RDH16: variants seen among roughly 807,000 people sequenced by gnomAD.
RDH16 encodes human epidermal retinol dehydrogenase.
In RDH16, 25 loss-of-function variants were observed where a neutral mutation model predicts 22.3. The observed-to-expected ratio is 1.12, with a 90% CI of 0.82 to 1.56. The LOEUF (loss-of-function observed/expected upper bound fraction) is 1.56, where lower values mean the gene tolerates loss of function less well. RDH16 is among the 40% of genes most tolerant of loss of function. The pLI, the probability that RDH16 is intolerant of heterozygous loss-of-function variation, is 0.00. For missense variants in RDH16, 413 were observed against 394.9 expected (o/e 1.05, Z -0.39); for synonymous variants, 154 against 164.4 (o/e 0.94, Z 0.48).
Position 56,957,373 on chromosome 12 carries a change from C to G in RDH16, c.90G>C (p.Lys30Asn), listed in dbSNP as rs376548420. The G allele has an allele frequency of 6.2e-7, 1 of 1,614,068 alleles. No homozygotes were observed. The highest frequency in any genetic ancestry group is 1.3e-5 in the African/African-American group (1 of 74,904). Residue 30 changes from lysine to asparagine, a missense_variant, in exon 1 of 4, where the codon AAG (lysine) becomes AAC (asparagine). Physicochemically the swap from Lys to Asn is moderately conservative, Grantham distance 94 (BLOSUM62 0). Coordinates refer to ENST00000398138, the MANE Select transcript of RDH16 (RefSeq NM_003708.5). ...ERQVLSHLRDKYVFITGCDSG... is the reference protein window; with the variant it reads ...ERQVLSHLRDNYVFITGCDSG... ...AGTCACAGCCCGTGATGAACACATA[C>G]TTATCTCTCAGGTGGCTCAGCACCT...
In RDH16 at chr12:56,952,021, C is replaced by G. The variant is rs1955884052; in HGVS notation, c.*8G>C. ...CAAATCCATGCAACCATGCATCCAA[C>G]CTTAGCTTCATAGAGCCTTGGCCGG... On this transcript the variant is annotated 3_prime_UTR_variant, in exon 4 of 4. Coordinates refer to ENST00000398138, the MANE Select transcript of RDH16 (RefSeq NM_003708.5). 1 of 1,612,682 alleles carries G rather than the reference C, an allele frequency of 6.2e-7. No individual in the cohort carries two copies. Among genetic ancestry groups the G allele is most frequent in the Non-Finnish European group, 8.5e-7 (1 of 1,178,892 alleles).
Position 56,951,655 on chromosome 12 carries a change from ACACAGCCTG to A in RDH16, c.*365_*373del. On this transcript the variant is annotated 3_prime_UTR_variant, in exon 4 of 4. Transcript: ENST00000398138. The stretch of plus-strand genomic sequence containing the variant: ...GGGTGTAGACTGGCCCAGAATTAAC[ACACAGCCTG>A]ATAAGGAAGCAGGAGGTAATGGCAT... 3 of 275,440 alleles carry A rather than the reference ACACAGCCTG, an allele frequency of 1.1e-5. No homozygotes were observed. Among genetic ancestry groups the A allele is most frequent in the East Asian group, 1.5e-4 (2 of 13,002 alleles). 17.1% of individuals were successfully genotyped at this position (275,440 alleles called of 1,614,324 possible).
In RDH16 at chr12:56,955,010, C is replaced by G; in HGVS notation, c.468G>C (p.Arg156Ser). The change falls in exon 2 of 4, where the codon AGG becomes AGC. Residue 156 changes from arginine to serine, a missense_variant. By Grantham distance (110) the Arg-to-Ser change is moderately radical (BLOSUM62 -1). Transcript: ENST00000398138. The part of the protein sequence containing the change: ...LSLLPLVRRA[R>S]GRVVNVSSVM... ...CACTGGAGACGTTGACCACACGGCC[C>G]CTGGCCCTCCTCACTAAGGGCAGCA... The G allele has an allele frequency of 6.2e-7, 1 of 1,614,154 alleles. No individual in the cohort carries two copies. Among genetic ancestry groups the G allele is most frequent in the Non-Finnish European group, 8.5e-7 (1 of 1,180,026 alleles).
chr12:56,956,737 G>C (rs1265537183), intron 1 of RDH16, among the ~76,000 whole-genome samples: 2 of 152,134 alleles, frequency 1.3e-5, no homozygotes, highest in Non-Finnish European at 2.9e-5. Flanking sequence ...ACAAGGTAAA[G>C]TGCTGGGAAC....
In RDH16 at chr12:56,957,183, C is replaced by A. The variant is rs202131585; in HGVS notation, c.280G>T (p.Ala94Ser). 18 of 1,613,188 alleles carry A rather than the reference C, an allele frequency of 1.1e-5. No homozygotes were observed. The highest frequency in any genetic ancestry group is 1.5e-5 in the Non-Finnish European group (18 of 1,179,308). Residue 94 changes from alanine to serine, a missense_variant, in exon 1 of 4, where the codon GCC becomes TCC. Coordinates refer to ENST00000398138, the MANE Select transcript of RDH16 (RefSeq NM_003708.5). ...VTKTESVAAA[A>S]QWVKECVRDK... ...CTCACGCACTCCTTCACCCACTGGG[C>A]GGCTGCAGCAACGCTCTCTGTCTTG...
chr12:56,952,184 A>G lies in RDH16; in HGVS notation c.799T>C (p.Cys267Arg), dbSNP rs1218354321. ...CAGGCAATCAGCGCATGCTCCATGCAGTTGGTCACCAACGACAGATCCTGT... is the reference window on the plus strand; with the variant it reads ...CAGGCAATCAGCGCATGCTCCATGCGGTTGGTCACCAACGACAGATCCTGT... ...CTQDLSLVTN[C>R]MEHALIACHP... The change falls in exon 4 of 4, where the codon TGC becomes CGC. Residue 267 changes from cysteine (C) to arginine (R), a missense_variant. Transcript: ENST00000398138. 6.2e-7 allele frequency: 1 copy of G among 1,614,206 alleles called. No individual in the cohort carries two copies. The highest frequency in any genetic ancestry group is 8.5e-7 in the Non-Finnish European group (1 of 1,180,034).
chr12:56,955,693 T>G (rs1242810241), intron 1 of RDH16, among the ~76,000 whole-genome samples: 3 of 152,018 alleles, frequency 2.0e-5, no homozygotes, highest in African/African-American at 7.2e-5. Context: ...TTGGGAAACA[T>G]CCTGTTTCCC....
intron 1 of RDH16, 98 bp downstream of exon 1, chr12:56,957,051 TG>T: frequency 8.1e-7 from 1 of 1,234,464 alleles, no homozygotes; most frequent in Non-Finnish European, 1.1e-6. Context: ...TACTTCAACC[TG>T]GAAAGACACT....
chr12:56,954,780 C>T, intron 2 of RDH16, 126 bp downstream of exon 2: 4 of 1,010,712 alleles, frequency 4.0e-6, no homozygotes, highest in Non-Finnish European at 5.8e-6. Flanking sequence ...GGGTGTCACA[C>T]ATGAAGACAG....
chr12:56,954,352 T>C (rs1436842284), intron 2 of RDH16, among the ~76,000 whole-genome samples: 1 of 152,178 alleles, frequency 6.6e-6, no homozygotes, highest in Non-Finnish European at 1.5e-5. Context: ...TGTCAGCTGC[T>C]GGGAGAGCCT....
intron 1 of RDH16, among the ~76,000 whole-genome samples, chr12:56,955,589 A>G (rs1348759748): frequency 6.6e-6 from 1 of 152,128 alleles, no homozygotes; most frequent in African/African-American, 2.4e-5. Context: ...TCCAGCAACT[A>G]TCTGTTGATG....
Position 56,957,576 on chromosome 12 carries a change from G to T in RDH16, c.-114C>A. Reference sequence around the variant, plus strand: ...CTGTGGTAGGCAGGGAAGCCCTCAGGCATTTTGGCAGGGAATCCTCACTTT... The same window carrying T: ...CTGTGGTAGGCAGGGAAGCCCTCAGTCATTTTGGCAGGGAATCCTCACTTT... On this transcript the variant is annotated 5_prime_UTR_variant, in exon 1 of 4. Coordinates refer to ENST00000398138, the MANE Select transcript of RDH16 (RefSeq NM_003708.5). 1.7e-6 allele frequency: 2 copies of T among 1,212,060 alleles called. No homozygotes were observed. The highest frequency in any genetic ancestry group is 2.3e-6 in the Non-Finnish European group (2 of 865,822). 75.1% of individuals were successfully genotyped at this position (1,212,060 alleles called of 1,614,324 possible). A position where few individuals can be genotyped will look rare whatever the true frequency, so the allele number is the denominator to read the frequency against.
Position 56,955,045 on chromosome 12 carries a change from T to C in RDH16, c.433A>G (p.Thr145Ala). 1 of 1,613,990 alleles carries C rather than the reference T, an allele frequency of 6.2e-7. No homozygotes were observed. Among genetic ancestry groups the C allele is most frequent in the Non-Finnish European group, 8.5e-7 (1 of 1,180,002 alleles). ...CTCACTAAGGGCAGCAGGCTCAGAG[T>C]CACATCAATCACCCCCAACAAGTTC... ...DVNLLGVIDV[T>A]LSLLPLVRRA... is the part of the protein sequence containing the mutation. Residue 145 changes from threonine (T) to alanine (A), a missense_variant, in exon 2 of 4, where the codon ACT becomes GCT. Physicochemically the swap from Thr to Ala is moderately conservative, Grantham distance 58. Coordinates refer to ENST00000398138, the MANE Select transcript of RDH16 (RefSeq NM_003708.5).
At chr12:56,952,543 G>A (rs1955890505) in intron 3 of RDH16, among the ~76,000 whole-genome samples, 1 of 152,182 alleles carries the variant, frequency 6.6e-6, no homozygotes. Flanking sequence ...TCTAATGCCA[G>A]CTTGTGATCA....
Position 56,957,158 on chromosome 12 carries a change from C to T in RDH16, c.305G>A (p.Arg102Lys). The part of the protein sequence containing the change: ...AAAQWVKECV[R>K]DKGLWGLVNN... ...CAAACCTGGGTGGTTACCTTTGTCT[C>T]TCACGCACTCCTTCACCCACTGGGC... The change falls in exon 1 of 4, where the codon AGA becomes AAA. Residue 102 changes from arginine to lysine, a missense_variant. Arg to Lys is a conservative substitution (Grantham distance 26). Transcript: ENST00000398138. 6.2e-7 allele frequency: 1 copy of T among 1,608,920 alleles called. No individual in the cohort carries two copies. The highest frequency in any genetic ancestry group is 8.5e-7 in the Non-Finnish European group (1 of 1,176,152).
intron 1 of RDH16, among the ~76,000 whole-genome samples, chr12:56,956,420 C>T (rs1267573347): frequency 1.3e-5 from 2 of 152,056 alleles, no homozygotes; most frequent in Non-Finnish European, 1.5e-5. Context: ...ATATAAAATC[C>T]TAATTTTGTA....
chr12:56,957,005 CA>C (rs1290552645), intron 1 of RDH16, 144 bp downstream of exon 1: 28 of 806,320 alleles, frequency 3.5e-5, no homozygotes, highest in Non-Finnish European at 5.3e-5. Context: ...GGGGTTCAGG[CA>C]GCCTGTTAAG....
In RDH16 at chr12:56,957,116, GAC is replaced by G. The variant is rs1246121295; in HGVS notation, c.313+32_313+33del. 5 of 1,575,162 alleles carry G rather than the reference GAC, an allele frequency of 3.2e-6. No homozygotes were observed. The Admixed American group carries it at 5.1e-5, about 16-fold the overall frequency. On this transcript the variant is annotated intron_variant, in intron 1 of 3. Transcript: ENST00000398138. ...AGGTGGTCCCTTCACACAGAGGGAA[GAC>G]ACAGACAGACTTGACAAACCTGGGT... is the stretch of plus-strand genomic sequence containing the variant.
chr12:56,957,494 T>C lies in RDH16; in HGVS notation c.-32A>G. Reference sequence around the variant, plus strand: ...GCAGAGGACAGACACAGACAGGCTGTGGGGGAAACCAGAGTCTGGCCTCTG... The same window carrying C: ...GCAGAGGACAGACACAGACAGGCTGCGGGGGAAACCAGAGTCTGGCCTCTG... On this transcript the variant is annotated 5_prime_UTR_variant, in exon 1 of 4. Coordinates refer to ENST00000398138, the MANE Select transcript of RDH16 (RefSeq NM_003708.5). 1 of 1,577,646 alleles carries C rather than the reference T, an allele frequency of 6.3e-7. No individual in the cohort carries two copies. The highest frequency in any genetic ancestry group is 1.3e-5 in the African/African-American group (1 of 74,392).
Sources: gnomAD v4.1 joint callset for allele counts (sites outside exome capture counted in the v4.1 genomes callset) on GRCh38, gnomAD v4.1.1 for gene constraint, MANE v1.5 for transcripts, NCBI Gene and HGNC (gene_info 2026-07-23, HGNC 2026-07-21) for gene names.